The following RPA3 variants were observed in gnomAD, a reference collection of about 807,000 sequenced individuals.
RPA3 encodes replication protein A 14 kDa subunit.
Under a neutral mutation model 13.7 loss-of-function variants are expected in RPA3, and 24 were observed. The observed-to-expected ratio is 1.75, with a 90% CI of 1.27 to 2.46. The LOEUF is 2.46. Ranked by LOEUF, RPA3 falls within the 30% of genes most tolerant of loss-of-function variation. The pLI is 0.00. For missense variants in RPA3, 183 were observed against 151.0 expected, an observed-to-expected ratio of 1.21 and a Z score of -1.11; for synonymous variants, 59 against 51.2, an observed-to-expected ratio of 1.15 and a Z score of -0.65.
chr7:7,695,981 GTTTT>G (rs34880729), intron 2 of RPA3, among the ~76,000 whole-genome samples: 8 of 130,734 alleles, frequency 6.1e-5, no homozygotes, highest in Admixed American at 4.7e-4. Context: ...GTATATCTCC[GTTTT>G]TTTTTTTTTT....
intron 2 of RPA3, among the ~76,000 whole-genome samples, chr7:7,707,272 G>T (rs149925008): frequency 6.6e-6 from 1 of 152,236 alleles, no homozygotes; most frequent in East Asian, 1.9e-4. Context: ...AATATGGAAT[G>T]AATGTTATCA....
chr7:7,651,307 C>A (rs1299382840), intron 4 of RPA3, among the ~76,000 whole-genome samples: 1 of 152,092 alleles, frequency 6.6e-6, no homozygotes, highest in Non-Finnish European at 1.5e-5. Context: ...GGACTTGTGA[C>A]AAGGGTGGGC....
At chr7:7,698,359 C>A (rs1236391967) in intron 2 of RPA3, among the ~76,000 whole-genome samples, 1 of 152,140 alleles carries the variant, frequency 6.6e-6, no homozygotes, top group Non-Finnish European at 1.5e-5. Flanking sequence ...GCGTTTCCTG[C>A]TGCATCTCTG....
intron 4 of RPA3, among the ~76,000 whole-genome samples, chr7:7,653,143 G>T (rs1024380782): frequency 6.6e-6 from 1 of 152,112 alleles, no homozygotes; most frequent in Non-Finnish European, 1.5e-5. Flanking sequence ...CTTTTGCAGG[G>T]TGTTTTTTCA....
At chr7:7,660,726 C>G (rs915285490) in intron 4 of RPA3, among the ~76,000 whole-genome samples, 3 of 152,164 alleles carry the variant, frequency 2.0e-5, no homozygotes, top group African/African-American at 7.2e-5. Flanking sequence ...CTCTGGCTGC[C>G]CTTAACATTT....
chr7:7,652,367 A>G (rs947472507), intron 4 of RPA3, among the ~76,000 whole-genome samples: 5 of 152,196 alleles, frequency 3.3e-5, no homozygotes, highest in African/African-American at 7.2e-5. Context: ...TTCAGTTGAT[A>G]TAGTTATTAC....
At chr7:7,675,747 A>C (rs1779722590) in intron 4 of RPA3, among the ~76,000 whole-genome samples, 1 of 152,160 alleles carries the variant, frequency 6.6e-6, no homozygotes, top group Non-Finnish European at 1.5e-5. Context: ...TTGAACAGTC[A>C]TGGTGAGGAA....
At chr7:7,699,862 A>G (rs1320193867) in intron 2 of RPA3, among the ~76,000 whole-genome samples, 2 of 152,236 alleles carry the variant, frequency 1.3e-5, no homozygotes, top group Non-Finnish European at 2.9e-5. Flanking sequence ...GCTCTGGGTT[A>G]TAAGTAATAC....
rs181905697 is a variant in RPA3, at chr7:7,662,226, T to C, written c.-757-21051A>G. Among the ~76,000 whole-genome samples, 306 of 152,292 alleles carry C rather than the reference T, an allele frequency of 2.0e-3. 1 individual carries two copies. Among genetic ancestry groups the C allele is most frequent in the African/African-American group, 7.0e-3 (292 of 41,566 alleles). ...GCTGGCAGCGATAATTTCAAGCCAG[T>C]GGATCTTAGCTTGCTGAGCTCCATG... On this transcript the variant is annotated intron_variant, in intron 4 of 7. Transcript: ENST00000223129.
At chr7:7,644,562 G>A (rs535684589) in intron 4 of RPA3, among the ~76,000 whole-genome samples, 2 of 152,194 alleles carry the variant, frequency 1.3e-5, no homozygotes, top group South Asian at 4.1e-4. Flanking sequence ...CTTCATGTAT[G>A]TTGTCAGATA....
intron 2 of RPA3, among the ~76,000 whole-genome samples, chr7:7,699,049 TGGGG>T (rs63713363): frequency 3.5e-5 from 5 of 143,610 alleles, no homozygotes; most frequent in African/African-American, 1.3e-4. Context: ...TGTGTGTGTG[TGGGG>T]GGGGGGTAGA....
chr7:7,643,316 G>A (rs1249998798), intron 4 of RPA3, among the ~76,000 whole-genome samples: 1 of 152,214 alleles, frequency 6.6e-6, no homozygotes, highest in Non-Finnish European at 1.5e-5. Context: ...GGGCGTGCAT[G>A]TAACTCCCTA....
intron 4 of RPA3, among the ~76,000 whole-genome samples, chr7:7,681,738 C>T (rs996844906): frequency 2.0e-5 from 3 of 152,066 alleles, no homozygotes; most frequent in South Asian, 2.1e-4. Context: ...TGGCACTATT[C>T]GTAATTACCA....
Position 7,679,711 on chromosome 7 carries a change from AATATAT to A in RPA3, c.-758+6113_-758+6118del, listed in dbSNP as rs372324513. Among the ~76,000 whole-genome samples the A allele has an allele frequency of 2.3e-5, 3 of 128,434 alleles. 1 individual carries two copies. Among genetic ancestry groups the A allele is most frequent in the African/African-American group, 9.5e-5 (3 of 31,632 alleles). The allele number at this position is 128,434 out of a possible 152,430, so 84.3% of individuals were successfully genotyped here. On this transcript the variant is annotated intron_variant, in intron 4 of 7. Transcript: ENST00000223129. ...TATTTATATATTTAATTTATAGATA[AATATAT>A]ATATATATATATATACACACACACA...
rs550848076 is a variant in RPA3 at position 7,715,675 on chromosome 7, AT to A, written c.-1079-450del. Reference sequence around the variant, plus strand: ...AAGATCCACAAATTTCCAGAAAAAAATGACCTAAAAGTCATAGTTTTACCAT... The same window carrying A: ...AAGATCCACAAATTTCCAGAAAAAAAGACCTAAAAGTCATAGTTTTACCAT... On this transcript the variant is annotated intron_variant, in intron 1 of 7. Transcript: ENST00000223129. 5.9e-5 allele frequency among the ~76,000 whole-genome samples: 9 copies of A among 152,312 alleles called. No individual in the cohort carries two copies. The South Asian group carries it at 1.7e-3, about 28-fold the overall frequency.
At chr7:7,677,759 T>C (rs6962629) in intron 4 of RPA3, among the ~76,000 whole-genome samples, 130,148 of 143,588 alleles carry the variant, frequency 0.91, 59,007 homozygotes, top group East Asian at 0.97. Context: ...CTGCAAGCTC[T>C]GCCTCCCAGG....
chr7:7,643,294 G>A (rs888022515), intron 4 of RPA3, among the ~76,000 whole-genome samples: 2 of 152,178 alleles, frequency 1.3e-5, no homozygotes, highest in Non-Finnish European at 2.9e-5. Flanking sequence ...AAAAAGGAAG[G>A]AAGCCTCAGA....
chr7:7,702,855 T>G (rs1479174238), intron 2 of RPA3, among the ~76,000 whole-genome samples: 2 of 152,188 alleles, frequency 1.3e-5, no homozygotes, highest in African/African-American at 4.8e-5. Flanking sequence ...GTCAACCAGT[T>G]TGTTTGCTGA....
intron 2 of RPA3, among the ~76,000 whole-genome samples, chr7:7,713,060 C>T (rs116180561): frequency 0.029 from 4,366 of 151,798 alleles, 190 homozygotes; most frequent in African/African-American, 0.096. Flanking sequence ...ATTCTAGGGC[C>T]GCGCGCGGTG....
Sources: allele counts gnomAD v4.1 joint callset (sites outside exome capture counted in the v4.1 genomes callset), GRCh38; gene constraint gnomAD v4.1.1; transcripts MANE v1.5; gene names NCBI Gene and HGNC (gene_info 2026-07-23, HGNC 2026-07-21).